The following IL17REL variants were observed in gnomAD, a reference collection of about 807,000 sequenced individuals.
IL17REL encodes interleukin-17 receptor E-like protein.
In IL17REL, 36 loss-of-function variants were observed where a neutral mutation model predicts 49.0. That is an observed-to-expected ratio of 0.73 (90% CI 0.56 to 0.97). IL17REL has a LOEUF of 0.97. Among genes scored for constraint, IL17REL ranks in the 50% least tolerant of loss-of-function variants. The pLI is 0.00. For synonymous variants in IL17REL, 206 were observed against 192.4 expected (o/e 1.07, Z -0.58); for missense variants, 470 against 453.9 (o/e 1.04, Z -0.32).
intron 1 of IL17REL, among the ~76,000 whole-genome samples, chr22:50,001,819 G>A (rs1023774005): frequency 1.3e-5 from 2 of 152,216 alleles, no homozygotes; most frequent in African/African-American, 2.4e-5. Context: ...TTTGCAGGTG[G>A]GACTCAGAGC....
In IL17REL at chr22:49,997,218, G is replaced by C. The variant is rs948447396; in HGVS notation, c.974+102C>G. On this transcript the variant is annotated intron_variant, in intron 11 of 12. Coordinates refer to ENST00000341280, the Ensembl canonical transcript of IL17REL. ...GCCAGGTAGACTAGACCCTGGGTGG[G>C]CTCAGGGCCCGGGTGGGGCAGAGAC... 10 of 1,421,968 alleles carry C rather than the reference G, an allele frequency of 7.0e-6. No homozygotes were observed. The African/African-American group carries it at 8.5e-5, about 12-fold the overall frequency. The allele number at this position is 1,421,968 out of a possible 1,614,324, so 88.1% of individuals were successfully genotyped here. A position where few individuals can be genotyped will look rare whatever the true frequency, so the allele number is the denominator to read the frequency against.
chr22:50,012,441 C>T (rs1318370679), upstream of IL17REL: 1 of 152,586 alleles, frequency 6.6e-6, no homozygotes, highest in Non-Finnish European at 1.5e-5. Context: ...CCCTGCAACC[C>T]CTCACCTGCT....
upstream of IL17REL, among the ~76,000 whole-genome samples, chr22:50,011,251 A>T (rs1427972714): frequency 1.2e-5 from 1 of 85,526 alleles, no homozygotes; most frequent in Non-Finnish European, 2.4e-5. Context: ...CCCCTCCAGC[A>T]CTTCCCCTCC....
At chr22:49,996,929 G>A in intron 12 of IL17REL, 65 bp downstream of exon 14, 3 of 766,308 alleles carry the variant, frequency 3.9e-6, no homozygotes, top group Non-Finnish European at 4.2e-6. Context: ...TGGGAAGGGG[G>A]GGTGTGAACT....
At chr22:50,001,445 G>A (rs1464593806) in intron 1 of IL17REL, among the ~76,000 whole-genome samples, 2 of 152,180 alleles carry the variant, frequency 1.3e-5, no homozygotes, top group Non-Finnish European at 2.9e-5. Flanking sequence ...GACCCCAGGA[G>A]TGGGCCTGGG....
At chr22:50,002,495 C>CTTTTTTTTT (rs398040533) in intron 1 of IL17REL, among the ~76,000 whole-genome samples, 1 of 127,910 alleles carries the variant, frequency 7.8e-6, no homozygotes, top group African/African-American at 3.0e-5. Flanking sequence ...CTTTTCTTTT[C>CTTTTTTTTT]TTTTTTTTTT....
chr22:50,003,001 G>A (rs2061087578), intron 1 of IL17REL, among the ~76,000 whole-genome samples: 1 of 152,206 alleles, frequency 6.6e-6, no homozygotes, highest in Non-Finnish European at 1.5e-5. Flanking sequence ...CACTGTCTGG[G>A]GAGTGTTCTC....
exon 4 of IL17REL, chr22:50,000,511 C>G (rs774797196): frequency 1.2e-6 from 2 of 1,613,550 alleles, no homozygotes; most frequent in Admixed American, 1.7e-5. Context: ...AGCTGGACCC[C>G]GCAGAAATGA....
intron 1 of IL17REL, among the ~76,000 whole-genome samples, chr22:50,007,772 C>T (rs1328828041): frequency 1.3e-5 from 2 of 152,102 alleles, no homozygotes; most frequent in African/African-American, 4.8e-5. Context: ...AATCTCCTCC[C>T]TTAAGCTTAG....
downstream of IL17REL, among the ~76,000 whole-genome samples, chr22:49,993,032 T>C (rs2061013949): frequency 6.6e-6 from 1 of 152,172 alleles, no homozygotes; most frequent in Non-Finnish European, 1.5e-5. This position sits in a 1 kb window ranked among gnomAD's most constrained non-coding sequence, Gnocchi z 6.0. Flanking sequence ...TTGGCTCTGG[T>C]TGTCTCTCTC....
chr22:49,997,835 C>T, intron 9 of IL17REL, 93 bp from the exon 12 acceptor site: 1 of 1,446,766 alleles, frequency 6.9e-7, no homozygotes, highest in Admixed American at 1.7e-5. Flanking sequence ...GGGTCAGCTT[C>T]AGGGTGCTCT....
intron 1 of IL17REL, among the ~76,000 whole-genome samples, chr22:50,004,941 G>A (rs1382058920): frequency 7.1e-6 from 1 of 140,308 alleles, no homozygotes; most frequent in Non-Finnish European, 1.5e-5. Context: ...CTTATTCCAG[G>A]CAACCAAGAA....
chr22:50,001,306 G>C (rs953158377), intron 1 of IL17REL, 75 bp from the exon 3 acceptor site: 14 of 650,306 alleles, frequency 2.2e-5, no homozygotes, highest in Admixed American at 2.1e-4. Context: ...TTCTGGGAAG[G>C]GGGAGAGAGC....
chr22:49,992,836 C>CA (rs570897232), downstream of IL17REL, among the ~76,000 whole-genome samples: 115 of 152,224 alleles, frequency 7.6e-4, 1 homozygote, highest in African/African-American at 2.6e-3. Context: ...CAGGTGGTCT[C>CA]AAACTCCTGA....
chr22:50,010,403 C>T (rs2061132942), upstream of IL17REL, among the ~76,000 whole-genome samples: 1 of 152,242 alleles, frequency 6.6e-6, no homozygotes, highest in South Asian at 2.1e-4. Context: ...CCAGACCAGC[C>T]CGGGCACAGA....
At chr22:50,005,483 G>A (rs1314517463) in intron 1 of IL17REL, among the ~76,000 whole-genome samples, 1 of 152,106 alleles carries the variant, frequency 6.6e-6, no homozygotes, top group Non-Finnish European at 1.5e-5. Context: ...GACAGAGGAG[G>A]AGGCTGAGGA....
At chr22:50,005,697 T>C (rs1265619392) in intron 1 of IL17REL, among the ~76,000 whole-genome samples, 1 of 151,826 alleles carries the variant, frequency 6.6e-6, no homozygotes, top group African/African-American at 2.4e-5. Flanking sequence ...TCCAGCTACT[T>C]GAGAGGCTAA....
At position 50,000,176 on chromosome 22, in the gene IL17REL, C is replaced by T. The variant is rs138890091; in HGVS notation, c.335-209G>A. Among the ~76,000 whole-genome samples the T allele has an allele frequency of 5.9e-5, 9 of 152,212 alleles. No individual in the cohort carries two copies. Among genetic ancestry groups the T allele is most frequent in the Admixed American group, 5.9e-4 (9 of 15,292 alleles). ...CAGCGTCTGAGGGTCTTCGCAGGGG[C>T]GTCGAAGGAGGGAACTCACCGAGGC... On this transcript the variant is annotated intron_variant, in intron 4 of 12. Coordinates refer to ENST00000341280, the Ensembl canonical transcript of IL17REL.
chr22:50,004,424 C>T (rs1199387018), intron 1 of IL17REL, among the ~76,000 whole-genome samples: 3 of 152,082 alleles, frequency 2.0e-5, no homozygotes, highest in African/African-American at 7.2e-5. Context: ...GATAAAAAGC[C>T]AGGCTGTGCT....
Sources: gnomAD v4.1 joint callset for allele counts (sites outside exome capture counted in the v4.1 genomes callset) on GRCh38, gnomAD v4.1.1 for gene constraint, Gnocchi (gnomAD v3.1) non-coding constraint, MANE v1.5 for transcripts, NCBI Gene and HGNC (gene_info 2026-07-23, HGNC 2026-07-21) for gene names.